Variants in GCN1 observed in about 807,000 individuals in gnomAD.
The protein encoded by GCN1 is stalled ribosome sensor GCN1.
GCN1 carries 90 observed loss-of-function variants against 288.4 expected under a neutral mutation model. The observed-to-expected ratio is 0.31, with a 90% CI of 0.26 to 0.37. The LOEUF is 0.37. Among genes scored for constraint, GCN1 ranks in the 10% least tolerant of loss-of-function variants. The pLI is 1.00. For missense variants in GCN1, 2,586 were observed against 3,419.9 expected (o/e 0.76, Z 6.08); for synonymous variants, 1,386 against 1,420.2 (o/e 0.98, Z 0.54).
intron 14 of GCN1, among the ~76,000 whole-genome samples, chr12:120,172,114 T>C (rs1340977440): frequency 6.6e-6 from 1 of 152,172 alleles, no homozygotes; most frequent in East Asian, 1.9e-4. Flanking sequence ...TCCTCCCACC[T>C]CAGCCTCCCA....
rs953967358 is a variant in GCN1, at chr12:120,142,566, G to A, written c.5770C>T (p.Pro1924Ser). Residue 1924 changes from proline to serine, a missense_variant, in exon 44 of 58, where the codon CCC (proline) becomes TCC (serine). Transcript: ENST00000300648. The surrounding 1 kb of genome is among the most constrained non-coding windows in gnomAD (Gnocchi z 4.9). ...CCCAGCAGGAGCCCAAAGAGAGTGG[G>A]TAGGATCTCACGCAAGGTGCGGGGG... ...NTPRTLREIL[P>S]TLFGLLLGFL... The A allele has an allele frequency of 1.2e-5, 19 of 1,613,916 alleles. No homozygotes were observed. The Admixed American group carries it at 3.0e-4, about 25-fold the overall frequency.
At position 120,149,587 on chromosome 12, in the gene GCN1, G is replaced by T. The variant is rs748061976; in HGVS notation, c.4546+19C>A. 9 of 1,530,310 alleles carry T rather than the reference G, an allele frequency of 5.9e-6. No homozygotes were observed. In the Admixed American group the frequency reaches 1.3e-4, roughly 23 times the overall value. The allele number at this position is 1,530,310 out of a possible 1,614,324, so 94.8% of individuals were successfully genotyped here. The stretch of plus-strand genomic sequence containing the variant: ...TCATAACAGGAAGCTGGGAAGAGAG[G>T]CAGAGCGAGTGGTCTTACCAGCTTT... On this transcript the variant is annotated intron_variant, in intron 36 of 57. Coordinates refer to ENST00000300648, the MANE Select transcript of GCN1 (RefSeq NM_006836.2).
chr12:120,136,746 C>T lies in GCN1; in HGVS notation c.6778-14G>A. ...GGAGGTCACTCCCTGACAAGAGAAC[C>T]ACAACTGAGAGTCAAATCTCAAACA... On this transcript the variant is annotated splice_polypyrimidine_tract_variant and intron_variant, in intron 50 of 57. Coordinates refer to ENST00000300648, the MANE Select transcript of GCN1 (RefSeq NM_006836.2). The T allele has an allele frequency of 6.3e-7, 1 of 1,596,540 alleles. No individual in the cohort carries two copies. The highest frequency in any genetic ancestry group is 8.6e-7 in the Non-Finnish European group (1 of 1,164,820).
At chr12:120,131,037 T>G in intron 55 of GCN1, 148 bp downstream of exon 55, 2 of 716,858 alleles carry the variant, frequency 2.8e-6, no homozygotes, top group Non-Finnish European at 4.8e-6. Context: ...GATCAAGTGC[T>G]GGTCCAAGGG....
In GCN1 at chr12:120,155,126, G is replaced by C; in HGVS notation, c.3631-86C>G. The C allele has an allele frequency of 6.6e-7, 1 of 1,513,094 alleles. No homozygotes were observed. The highest frequency in any genetic ancestry group is 1.1e-5 in the South Asian group (1 of 89,024). The allele number at this position is 1,513,094 out of a possible 1,614,324, so 93.7% of individuals were successfully genotyped here. A position where few individuals can be genotyped will look rare whatever the true frequency, so the allele number is the denominator to read the frequency against. On this transcript the variant is annotated intron_variant, in intron 30 of 57. Transcript: ENST00000300648. This position sits in a 1 kb window ranked among gnomAD's most constrained non-coding sequence, Gnocchi z 4.9. ...ATTGTGAGGCAGGAAACTAGCCGCA[G>C]CTACCCTGAGCCACCGTGAGCCCCG...
chr12:120,180,991 C>CA (rs35885269), intron 5 of GCN1, among the ~76,000 whole-genome samples: 28,011 of 103,294 alleles, frequency 0.27, 3,248 homozygotes, highest in East Asian at 0.6. Context: ...GACTCCGTCT[C>CA]AAAAAAAAAA....
chr12:120,171,754 TG>T (rs1293950392), intron 14 of GCN1, among the ~76,000 whole-genome samples: 1 of 152,194 alleles, frequency 6.6e-6, no homozygotes, highest in Non-Finnish European at 1.5e-5. Context: ...TAAAAATAAA[TG>T]CAACGAGCAG....
At chr12:120,177,811 T>G in intron 7 of GCN1, 59 bp from the exon 8 acceptor site, 2 of 1,221,334 alleles carry the variant, frequency 1.6e-6, no homozygotes, top group Non-Finnish European at 2.4e-6. Context: ...ATCACTGGCC[T>G]AAGGGGTCCC....
chr12:120,136,439 T>G (rs1877005871), intron 51 of GCN1, 63 bp downstream of exon 51: 2 of 1,256,616 alleles, frequency 1.6e-6, no homozygotes, highest in Non-Finnish European at 2.3e-6. Context: ...CATGACACCT[T>G]GTATCAGGCT....
In GCN1 at chr12:120,155,430, C is replaced by A; in HGVS notation, c.3441G>T (p.Arg1147Ser). 1 of 1,612,964 alleles carries A rather than the reference C, an allele frequency of 6.2e-7. No homozygotes were observed. Among genetic ancestry groups the A allele is most frequent in the Non-Finnish European group, 8.5e-7 (1 of 1,179,376 alleles). The change falls in exon 30 of 58, where the codon AGG becomes AGT. Residue 1147 changes from arginine (R) to serine (S), a missense_variant and splice_region_variant. By Grantham distance (110) the Arg-to-Ser change is moderately radical (BLOSUM62 -1). This residue lies in a region of GCN1 where 332 missense variants were observed against 403.0 expected (regional missense o/e 0.82). Coordinates refer to ENST00000300648, the MANE Select transcript of GCN1 (RefSeq NM_006836.2). The surrounding 1 kb of genome is among the most constrained non-coding windows in gnomAD (Gnocchi z 4.9). Reference protein sequence around the residue: ...KEEEIRKLAERLWSMMGLDLQ... With the variant: ...KEEEIRKLAESLWSMMGLDLQ... The stretch of plus-strand genomic sequence containing the variant: ...GGTCTAGGCCCATCATTGACCAGAG[C>A]CTGTGGGAGATCCAAGGCAGGGGCT...
Position 120,132,033 on chromosome 12 carries a change from A to G in GCN1, c.7318-11T>C, listed in dbSNP as rs754998410. 1.5e-5 allele frequency: 23 copies of G among 1,552,554 alleles called. No homozygotes were observed. In the Admixed American group the frequency reaches 4.0e-4, roughly 27 times the overall value. ...GATGCGAGTGTTGTCCTGACAGGGAAGAGAAGGGAGTGAGGGGGTGCAGGG... is the reference window on the plus strand; with the variant it reads ...GATGCGAGTGTTGTCCTGACAGGGAGGAGAAGGGAGTGAGGGGGTGCAGGG... On this transcript the variant is annotated splice_polypyrimidine_tract_variant and intron_variant, in intron 53 of 57. Coordinates refer to ENST00000300648, the MANE Select transcript of GCN1 (RefSeq NM_006836.2).
At chr12:120,151,917 G>A (rs1385399895) in intron 33 of GCN1, among the ~76,000 whole-genome samples, 1 of 152,228 alleles carries the variant, frequency 6.6e-6, no homozygotes, top group African/African-American at 2.4e-5. Flanking sequence ...GGCCATGCTG[G>A]CAGGTGCCCA....
intron 11 of GCN1, 53 bp from the exon 12 acceptor site, chr12:120,175,265 A>G: frequency 6.8e-7 from 1 of 1,471,112 alleles, no homozygotes; most frequent in Non-Finnish European, 9.5e-7. Context: ...ATTTCCCAAG[A>G]GAGTGAACAA....
chr12:120,150,047 G>C lies in GCN1; in HGVS notation c.4310-4C>G. 4 of 1,613,770 alleles carry C rather than the reference G, an allele frequency of 2.5e-6. No homozygotes were observed. The East Asian group carries it at 8.9e-5, about 36-fold the overall frequency. On this transcript the variant is annotated splice_polypyrimidine_tract_variant and splice_region_variant and intron_variant, in intron 34 of 57. Transcript: ENST00000300648. The stretch of plus-strand genomic sequence containing the variant: ...ATCTCGAAGGCAAAGAGGGCTCCTA[G>C]GGGAAAAGAAGGTGGGACGGCTGGG...
intron 18 of GCN1, among the ~76,000 whole-genome samples, chr12:120,163,523 G>A: frequency 6.6e-6 from 1 of 152,216 alleles, no homozygotes; most frequent in East Asian, 1.9e-4. Context: ...GACCCAGCCT[G>A]TGGTGGCAAG....
chr12:120,158,473 G>A lies in GCN1; in HGVS notation c.2892C>T (p.Gly964=). 6.4e-7 allele frequency: 1 copy of A among 1,553,100 alleles called. No individual in the cohort carries two copies. The highest frequency in any genetic ancestry group is 8.7e-7 in the Non-Finnish European group (1 of 1,147,952). The change falls in exon 25 of 58, where the codon GGC becomes GGT. Residue 964 remains glycine, a synonymous_variant. Transcript: ENST00000300648. The surrounding 1 kb of genome is among the most constrained non-coding windows in gnomAD (Gnocchi z 4.3). ...LHTHTITSRV[G]KGEPGAAPLS... is the part of the protein sequence containing the mutation. ...CCCAGCCCTTACCTGGCTCCCCCTTGCCCACCCTGCTGGTGATGGTGTGGG... is the reference window on the plus strand; with the variant it reads ...CCCAGCCCTTACCTGGCTCCCCCTTACCCACCCTGCTGGTGATGGTGTGGG...
chr12:120,131,616 T>C (rs1432508995), intron 54 of GCN1, among the ~76,000 whole-genome samples: 2 of 151,986 alleles, frequency 1.3e-5, no homozygotes, highest in Non-Finnish European at 2.9e-5. Context: ...AAATTCAGTA[T>C]TGTTTGTTTG....
At chr12:120,178,830 C>T in intron 6 of GCN1, 22 bp downstream of exon 6, 1 of 1,612,990 alleles carries the variant, frequency 6.2e-7, no homozygotes, top group East Asian at 2.2e-5. Context: ...GCAATGCCCA[C>T]CAGCCCCTGC....
chr12:120,172,034 T>C (rs566503297), intron 14 of GCN1, among the ~76,000 whole-genome samples: 4 of 152,138 alleles, frequency 2.6e-5, no homozygotes, highest in African/African-American at 9.7e-5. Context: ...GCTATTTTTT[T>C]AATTTTTTTG....
Sources: allele counts gnomAD v4.1 joint callset (sites outside exome capture counted in the v4.1 genomes callset), GRCh38; gene constraint gnomAD v4.1.1; regional missense constraint gnomAD v4.1.1; non-coding constraint Gnocchi (gnomAD v3.1); transcripts MANE v1.5; gene names NCBI Gene and HGNC (gene_info 2026-07-23, HGNC 2026-07-21).